Variants in SENP5 observed in about 807,000 individuals in gnomAD.
SENP5 encodes sentrin-specific protease 5.
A neutral mutation model predicts 74.2 loss-of-function variants in SENP5; 21 were observed. The ratio of observed to expected loss-of-function variants is 0.28; its 90% CI spans 0.20 to 0.41. SENP5 has a LOEUF of 0.41. Ranked by LOEUF, SENP5 falls within the 10% of genes least tolerant of loss-of-function variation. The pLI is 1.00. For synonymous variants in SENP5, 311 were observed against 312.7 expected (o/e 0.99, Z 0.06); for missense variants, 717 against 889.1 (o/e 0.81, Z 2.46).
At chr3:196,883,342 TC>T (rs1713810194) in intron 1 of SENP5, among the ~76,000 whole-genome samples, 1 of 152,198 alleles carries the variant, frequency 6.6e-6, no homozygotes, top group Middle Eastern at 3.4e-3. Flanking sequence ...TGATCTGTTT[TC>T]CCCCAGGGAC....
At chr3:196,921,435 G>A (rs1715617202) in intron 6 of SENP5, among the ~76,000 whole-genome samples, 1 of 152,100 alleles carries the variant, frequency 6.6e-6, no homozygotes, top group South Asian at 2.1e-4. Flanking sequence ...CTATGTTAGT[G>A]TGTTAGAAGA....
intron 6 of SENP5, among the ~76,000 whole-genome samples, chr3:196,919,240 G>A (rs1355719208): frequency 2.0e-5 from 3 of 152,206 alleles, no homozygotes; most frequent in African/African-American, 7.2e-5. Flanking sequence ...TATTAGTTTG[G>A]GAGACTGAAG....
chr3:196,903,682 G>A, intron 6 of SENP5, 72 bp downstream of exon 6: 3 of 807,230 alleles, frequency 3.7e-6, no homozygotes. Context: ...GGAAGGATAA[G>A]TACTTTAATG....
At chr3:196,923,379 G>A in intron 6 of SENP5, 35 bp from the exon 7 acceptor site, 1 of 1,586,834 alleles carries the variant, frequency 6.3e-7, no homozygotes, top group Non-Finnish European at 8.5e-7. Context: ...ATAGCCTGTG[G>A]TGATGGCTGC....
At chr3:196,884,499 A>G (rs1713863182) in intron 1 of SENP5, among the ~76,000 whole-genome samples, 1 of 152,152 alleles carries the variant, frequency 6.6e-6, no homozygotes, top group African/African-American at 2.4e-5. Flanking sequence ...TGGAAGAAAG[A>G]CTATGAAACA....
intron 7 of SENP5, among the ~76,000 whole-genome samples, chr3:196,924,096 C>G (rs1715724233): frequency 6.6e-6 from 1 of 152,060 alleles, no homozygotes; most frequent in Non-Finnish European, 1.5e-5. Flanking sequence ...TGTGGAAATT[C>G]TTTATTATGA....
chr3:196,899,669 T>A lies in SENP5; in HGVS notation c.1517T>A (p.Phe506Tyr). ...DEQLSVCLSG[F>Y]LDEVMKKYGS... Reference sequence around the variant, plus strand: ...TTTCTTTCTTCCTTTATTTAAGGATTCCTAGATGAGGTTATGAAGAAGTAT... The same window carrying A: ...TTTCTTTCTTCCTTTATTTAAGGATACCTAGATGAGGTTATGAAGAAGTAT... Residue 506 changes from phenylalanine (F) to tyrosine (Y), a missense_variant, in exon 3 of 10, where the codon TTC becomes TAC. Physicochemically the swap from Phe to Tyr is conservative, Grantham distance 22. This residue lies in a region of SENP5 where 64 missense variants were observed against 100.8 expected (regional missense o/e 0.64). Transcript: ENST00000323460. 1 of 1,592,208 alleles carries A rather than the reference T, an allele frequency of 6.3e-7. No homozygotes were observed. The highest frequency in any genetic ancestry group is 8.6e-7 in the Non-Finnish European group (1 of 1,161,546).
At chr3:196,891,361 G>A (rs1714192335) in intron 2 of SENP5, among the ~76,000 whole-genome samples, 1 of 152,136 alleles carries the variant, frequency 6.6e-6, no homozygotes, top group African/African-American at 2.4e-5. Flanking sequence ...TCTGGAATTA[G>A]GTAGTAGTGA....
chr3:196,868,857 C>T (rs928444235), intron 1 of SENP5, among the ~76,000 whole-genome samples: 4 of 130,732 alleles, frequency 3.1e-5, no homozygotes, highest in Admixed American at 1.6e-4. Flanking sequence ...ATATCCAGGA[C>T]ACTTCATGAT....
chr3:196,887,664 A>G (rs1261640202), intron 2 of SENP5, among the ~76,000 whole-genome samples: 1 of 152,096 alleles, frequency 6.6e-6, no homozygotes, highest in East Asian at 1.9e-4. Flanking sequence ...TGTCATAAGA[A>G]TGGTCCCTCA....
chr3:196,902,061 T>C (rs1161569461), intron 5 of SENP5, among the ~76,000 whole-genome samples: 1 of 152,386 alleles, frequency 6.6e-6, no homozygotes, highest in Non-Finnish European at 1.5e-5. Flanking sequence ...TGAGAATCAC[T>C]GCTCTAGAGA....
intron 8 of SENP5, 89 bp from the exon 9 acceptor site, chr3:196,929,544 C>A: frequency 1.3e-6 from 1 of 786,738 alleles, no homozygotes; most frequent in South Asian, 1.6e-5. Flanking sequence ...AGTTTCCTAT[C>A]TTTTGCGCAT....
At chr3:196,871,548 T>G (rs1421223393) in intron 1 of SENP5, among the ~76,000 whole-genome samples, 1 of 152,084 alleles carries the variant, frequency 6.6e-6, no homozygotes, top group Non-Finnish European at 1.5e-5. Flanking sequence ...CAAGAATTTT[T>G]TAACTTAATT....
chr3:196,879,821 A>T (rs79997742), intron 1 of SENP5, among the ~76,000 whole-genome samples: 16 of 152,308 alleles, frequency 1.1e-4, no homozygotes, highest in African/African-American at 3.4e-4. Context: ...AGATTGCTCA[A>T]AATTTTAAAT....
intron 6 of SENP5, among the ~76,000 whole-genome samples, chr3:196,907,221 C>T (rs1437432349): frequency 1.3e-5 from 2 of 152,030 alleles, no homozygotes; most frequent in Non-Finnish European, 2.9e-5. Context: ...CATCAGTAAT[C>T]CCAGCACTTT....
In SENP5 at chr3:196,916,901, A is replaced by G. The variant is rs112379157; in HGVS notation, c.1885-6513A>G. 4.6e-5 allele frequency among the ~76,000 whole-genome samples: 7 copies of G among 152,242 alleles called. 1 individual carries two copies. Among genetic ancestry groups the G allele is most frequent in the African/African-American group, 1.7e-4 (7 of 41,562 alleles). ...GTAATCCCAGCATTTTGGGAGGCCT[A>G]GGTGGGTAGATCACTTGAGGCAAGG... On this transcript the variant is annotated intron_variant, in intron 6 of 9. Transcript: ENST00000323460.
chr3:196,886,137 C>T lies in SENP5; in HGVS notation c.956C>T (p.Thr319Met), dbSNP rs777835943. The T allele has an allele frequency of 3.7e-6, 6 of 1,614,174 alleles. No homozygotes were observed. Among genetic ancestry groups the T allele is most frequent in the African/African-American group, 1.3e-5 (1 of 75,044 alleles). Residue 319 changes from threonine to methionine, a missense_variant, in exon 2 of 10, where the codon ACG becomes ATG. Around this residue, in one of 4 missense-constraint regions of SENP5, gnomAD observed 567 missense variants for 577.4 expected, o/e 0.98. Coordinates refer to ENST00000323460, the MANE Select transcript of SENP5 (RefSeq NM_152699.5). ...DMDSSAVVKG[T>M]NSHVPDCHTK... Reference sequence around the variant, plus strand: ...GACAGCAGTGCTGTGGTGAAGGGGACGAACTCTCATGTGCCTGATTGCCAC... The same window carrying T: ...GACAGCAGTGCTGTGGTGAAGGGGATGAACTCTCATGTGCCTGATTGCCAC...
intron 6 of SENP5, chr3:196,913,025 T>C (rs534697601): frequency 6.6e-6 from 1 of 152,290 alleles, no homozygotes; most frequent in African/African-American, 2.4e-5. Flanking sequence ...ATAAAGGAGA[T>C]ATAATGACCA....
In SENP5 at chr3:196,930,936, A is replaced by G. The variant is rs1278766996; in HGVS notation, c.*13A>G. On this transcript the variant is annotated 3_prime_UTR_variant, in exon 10 of 10. Coordinates refer to ENST00000323460, the MANE Select transcript of SENP5 (RefSeq NM_152699.5). ...GCTCATGGACTGAAACTCAGCAGGG[A>G]CTCTGGGAAGTCTGACCAAGTTGGA... is the stretch of plus-strand genomic sequence containing the variant. 6.3e-7 allele frequency: 1 copy of G among 1,575,650 alleles called. No individual in the cohort carries two copies. The highest frequency in any genetic ancestry group is 8.7e-7 in the Non-Finnish European group (1 of 1,145,200).
Sources: allele counts gnomAD v4.1 joint callset (sites outside exome capture counted in the v4.1 genomes callset), GRCh38; gene constraint gnomAD v4.1.1; regional missense constraint gnomAD v4.1.1; transcripts MANE v1.5; gene names NCBI Gene and HGNC (gene_info 2026-07-23, HGNC 2026-07-21).